FBN2: variants seen among roughly 807,000 people sequenced by gnomAD.
FBN2 encodes the protein fibrillin 2.
FBN2 carries 105 observed loss-of-function variants against 355.6 expected under a neutral mutation model. That is an observed-to-expected ratio of 0.30 (90% CI 0.25 to 0.35). The LOEUF (loss-of-function observed/expected upper bound fraction) is 0.35, where lower values mean the gene tolerates loss of function less well. Among genes scored for constraint, FBN2 ranks in the 10% least tolerant of loss-of-function variants. The pLI, the probability that FBN2 is intolerant of heterozygous loss-of-function variation, is 1.00. For missense variants in FBN2, 3,280 were observed against 3,758.7 expected, an observed-to-expected ratio of 0.87 and a Z score of 3.33; for synonymous variants, 1,350 against 1,301.2, an observed-to-expected ratio of 1.04 and a Z score of -0.81.
At chr5:128,391,127 T>C (rs1752499377) in intron 11 of FBN2, among the ~76,000 whole-genome samples, 1 of 152,228 alleles carries the variant, frequency 6.6e-6, no homozygotes, top group Admixed American at 6.5e-5. Flanking sequence ...TGTACTAATA[T>C]GGTTTCAGAT....
intron 18 of FBN2, among the ~76,000 whole-genome samples, chr5:128,362,463 T>G (rs972547572): frequency 2.6e-5 from 4 of 151,962 alleles, no homozygotes; most frequent in African/African-American, 9.7e-5. Context: ...CCACAATGAG[T>G]TTTTTGTTTG....
At chr5:128,335,405 A>G in intron 29 of FBN2, 50 bp downstream of exon 29, 1 of 1,613,070 alleles carries the variant, frequency 6.2e-7, no homozygotes. Flanking sequence ...CCATATTTTC[A>G]AGAAAAAATT....
At position 128,259,587 on chromosome 5, in the gene FBN2, T is replaced by C. The variant is rs1764910944; in HGVS notation, c.8607A>G (p.Thr2869=). 2 of 1,613,854 alleles carry C rather than the reference T, an allele frequency of 1.2e-6. No homozygotes were observed. The highest frequency in any genetic ancestry group is 2.7e-5 in the African/African-American group (2 of 74,864). The change falls in exon 65 of 65, where the codon ACA becomes ACG. Residue 2869 remains threonine (T), a synonymous_variant. Coordinates refer to ENST00000262464, the MANE Select transcript of FBN2 (RefSeq NM_001999.4). The stretch of plus-strand genomic sequence containing the variant: ...AGAGAGGGATGCTAGTGATTTCCAG[T>C]GTGTATGTGCCGGGCATGAGCTTCT... The part of the protein sequence containing the change: ...AKKKLMPGTY[T]LEITSIPLYK...
intron 7 of FBN2, among the ~76,000 whole-genome samples, chr5:128,431,176 A>G (rs1051605639): frequency 7.9e-5 from 12 of 152,234 alleles, no homozygotes; most frequent in Non-Finnish European, 1.5e-4. Flanking sequence ...ACAAAGAAAA[A>G]CAGTAGAGCC....
chr5:128,487,673 A>G (rs963724899), intron 5 of FBN2, among the ~76,000 whole-genome samples: 7 of 143,756 alleles, frequency 4.9e-5, no homozygotes, highest in Non-Finnish European at 1.0e-4. Context: ...TGAAGAATCA[A>G]TGAATGTTTC....
chr5:128,456,069 C>T (rs887589713), intron 6 of FBN2, among the ~76,000 whole-genome samples: 2 of 139,902 alleles, frequency 1.4e-5, no homozygotes, highest in Non-Finnish European at 1.5e-5. Flanking sequence ...GGAAGGGCTG[C>T]ATCCATTTCT....
In FBN2 at chr5:128,527,939, A is replaced by G. The variant is rs1337325008; in HGVS notation, c.465T>C (p.Asn155=). The part of the protein sequence containing the change: ...SIQQCSVRCM[N]GGTCADDHCQ... Reference sequence around the variant, plus strand: ...AGTGGTCATCTGCACAGGTCCCACCATTCATGCATCTCACACTGCACTGCT... The same window carrying G: ...AGTGGTCATCTGCACAGGTCCCACCGTTCATGCATCTCACACTGCACTGCT... The change falls in exon 4 of 65, where the codon AAT becomes AAC. Residue 155 remains asparagine, a synonymous_variant. Transcript: ENST00000262464. 3.2e-5 allele frequency: 51 copies of G among 1,612,500 alleles called. No homozygotes were observed. In the Admixed American group the frequency reaches 8.5e-4, roughly 27 times the overall value.
chr5:128,303,361 T>C (rs1018420856), intron 45 of FBN2, among the ~76,000 whole-genome samples: 10 of 152,172 alleles, frequency 6.6e-5, no homozygotes, highest in Admixed American at 6.5e-4. Flanking sequence ...ATCCCCCTAG[T>C]AGAGATGTAT....
intron 19 of FBN2, 120 bp downstream of exon 19, chr5:128,361,603 T>G (rs1751638943): frequency 7.8e-7 from 1 of 1,277,806 alleles, no homozygotes. Context: ...CTAAATGAGA[T>G]TATAAAATAA....
intron 4 of FBN2, among the ~76,000 whole-genome samples, chr5:128,522,454 C>T (rs959065650): frequency 5.9e-5 from 9 of 152,186 alleles, no homozygotes; most frequent in South Asian, 2.1e-4. Context: ...AACAGTTCCT[C>T]CCCTACAGAC....
intron 2 of FBN2, among the ~76,000 whole-genome samples, chr5:128,532,288 G>T (rs1756729889): frequency 6.6e-6 from 1 of 152,144 alleles, no homozygotes; most frequent in South Asian, 2.1e-4. Context: ...TGATGGTGGG[G>T]AGAGTCAAAG....
intron 34 of FBN2, 49 bp from the exon 35 acceptor site, chr5:128,319,050 A>G: frequency 6.9e-7 from 1 of 1,458,030 alleles, no homozygotes; most frequent in African/African-American, 1.4e-5. Flanking sequence ...GACATTTTAA[A>G]ATTTTAATGT....
In FBN2 at chr5:128,345,520, T is replaced by C. The variant is rs1255532545; in HGVS notation, c.3054A>G (p.Gly1018=). 4 of 1,614,038 alleles carry C rather than the reference T, an allele frequency of 2.5e-6. No individual in the cohort carries two copies. In the East Asian group the frequency reaches 6.7e-5, roughly 27 times the overall value. Residue 1018 remains glycine, a synonymous_variant, in exon 24 of 65, where the codon GGA becomes GGG. Transcript: ENST00000262464. ...DEDECIHPVP[G]KFRMDACCCA... The stretch of plus-strand genomic sequence containing the variant: ...AGCAGCAGGCATCCATGCGGAACTT[T>C]CCAGGAACGGGGTGGATGCATTCAT...
At chr5:128,444,046 C>T (rs1486122334) in intron 7 of FBN2, among the ~76,000 whole-genome samples, 1 of 141,062 alleles carries the variant, frequency 7.1e-6, no homozygotes, top group Non-Finnish European at 1.5e-5. Flanking sequence ...AAGCAAATAT[C>T]ACTTGTTCTT....
At chr5:128,419,364 A>G (rs1347584904) in intron 7 of FBN2, among the ~76,000 whole-genome samples, 2 of 152,176 alleles carry the variant, frequency 1.3e-5, no homozygotes, top group Admixed American at 6.5e-5. Context: ...AGAAATGGTG[A>G]GAGTAGACAT....
intron 7 of FBN2, among the ~76,000 whole-genome samples, chr5:128,428,193 C>T (rs1362452336): frequency 2.0e-5 from 3 of 152,144 alleles, no homozygotes; most frequent in East Asian, 3.9e-4. Flanking sequence ...AAGTGGTCTC[C>T]ATGCTTCCCC....
chr5:128,365,412 G>C (rs1333101743), intron 17 of FBN2: 1 of 152,096 alleles, frequency 6.6e-6, no homozygotes, highest in Non-Finnish European at 1.5e-5. Context: ...TAATGAAAGA[G>C]TAAGCCCAAA....
At chr5:128,312,286 T>C (rs113746766) in intron 37 of FBN2, among the ~76,000 whole-genome samples, 3 of 152,328 alleles carry the variant, frequency 2.0e-5, no homozygotes, top group African/African-American at 4.8e-5. Flanking sequence ...CATTCTATAA[T>C]TGACTTCAAG....
intron 15 of FBN2, among the ~76,000 whole-genome samples, chr5:128,373,051 TTA>T (rs1751986579): frequency 6.6e-6 from 1 of 152,228 alleles, no homozygotes; most frequent in Non-Finnish European, 1.5e-5. Flanking sequence ...AATAATGTTT[TTA>T]TTTTAAAAAG....
Sources: allele counts gnomAD v4.1 joint callset (sites outside exome capture counted in the v4.1 genomes callset), GRCh38; gene constraint gnomAD v4.1.1; transcripts MANE v1.5; gene names NCBI Gene and HGNC (gene_info 2026-07-23, HGNC 2026-07-21).